Variants in PTPRD observed in about 807,000 individuals in gnomAD.
The protein encoded by PTPRD is receptor-type tyrosine-protein phosphatase delta.
A neutral mutation model predicts 214.5 loss-of-function variants in PTPRD; 34 were observed. That is an observed-to-expected ratio of 0.16 (90% CI 0.12 to 0.21). The LOEUF (loss-of-function observed/expected upper bound fraction) is 0.21. Among genes scored for constraint, PTPRD ranks in the 10% least tolerant of loss-of-function variants. The probability of loss-of-function intolerance (pLI) is 1.00; values close to 1 mark genes in which losing one functional copy is unlikely to be tolerated. For missense variants in PTPRD, 2,545 were observed against 2,398.7 expected, an observed-to-expected ratio of 1.06 and a Z score of -1.27; for synonymous variants, 1,128 against 845.7, an observed-to-expected ratio of 1.33 and a Z score of -5.79.
chr9:8,740,003 G>A (rs2091509820), intron 11 of PTPRD, among the ~76,000 whole-genome samples: 1 of 152,072 alleles, frequency 6.6e-6, no homozygotes, highest in Admixed American at 6.5e-5. Flanking sequence ...TTTCTTCCCA[G>A]TGTCTCAGGT....
intron 2 of PTPRD, among the ~76,000 whole-genome samples, chr9:10,403,475 G>C (rs1400441959): frequency 6.6e-6 from 1 of 151,054 alleles, no homozygotes; most frequent in East Asian, 2.0e-4. Flanking sequence ...AAAATCCACT[G>C]ACTCAGCAAA....
intron 11 of PTPRD, among the ~76,000 whole-genome samples, chr9:8,834,055 G>C (rs1325592705): frequency 1.3e-5 from 2 of 151,948 alleles, no homozygotes; most frequent in Non-Finnish European, 2.9e-5. Context: ...ATAATGCCTA[G>C]TCTTTTTCAC....
chr9:10,149,283 GA>G (rs1213944926), intron 3 of PTPRD, among the ~76,000 whole-genome samples: 1 of 152,152 alleles, frequency 6.6e-6, no homozygotes, highest in African/African-American at 2.4e-5. Flanking sequence ...AACAACTCAA[GA>G]TAGCAAAGTT....
In PTPRD at chr9:8,410,190, T is replaced by C. The variant is rs562639391; in HGVS notation, c.4087-5530A>G. Among the ~76,000 whole-genome samples, 5 of 152,336 alleles carry C rather than the reference T, an allele frequency of 3.3e-5. No homozygotes were observed. In the East Asian group the frequency reaches 7.7e-4, roughly 23 times the overall value. On this transcript the variant is annotated intron_variant, in intron 35 of 45. Coordinates refer to ENST00000381196, the MANE Select transcript of PTPRD (RefSeq NM_002839.4). ...TGGGAAGGGCTATATTTTGCACAAT[T>C]AGTAAAAGCCTGCAATTGGCATAAT...
intron 8 of PTPRD, among the ~76,000 whole-genome samples, chr9:9,528,119 C>T (rs928884154): frequency 6.6e-6 from 1 of 152,116 alleles, no homozygotes; most frequent in Admixed American, 6.6e-5. Flanking sequence ...GTGAAGGAAA[C>T]TAGATTTTAC....
chr9:8,497,987 A>C lies in PTPRD; in HGVS notation c.2323-719T>G, dbSNP rs114072249. Among the ~76,000 whole-genome samples, 347 of 152,328 alleles carry C rather than the reference A, an allele frequency of 2.3e-3. 4 individuals are homozygous for C. Among genetic ancestry groups the C allele is most frequent in the African/African-American group, 8.1e-3 (337 of 41,584 alleles). On this transcript the variant is annotated intron_variant, in intron 25 of 45. Transcript: ENST00000381196. ...ATAAAACGTAGCAATGATGGCTTTA[A>C]TTTTATACTACGATAACTTTCTTTT...
chr9:9,399,238 T>C (rs2069171324), intron 8 of PTPRD, among the ~76,000 whole-genome samples: 1 of 152,016 alleles, frequency 6.6e-6, no homozygotes, highest in Non-Finnish European at 1.5e-5. Context: ...GTATTTAAAA[T>C]AAAAGCACTG....
At chr9:8,482,570 T>G (rs1243039965) in intron 30 of PTPRD, among the ~76,000 whole-genome samples, 4 of 152,148 alleles carry the variant, frequency 2.6e-5, no homozygotes, top group African/African-American at 9.6e-5. Context: ...GGATTTATTC[T>G]TATTCCAAAC....
intron 14 of PTPRD, among the ~76,000 whole-genome samples, chr9:8,572,181 T>C (rs1455929327): frequency 2.0e-5 from 3 of 152,176 alleles, no homozygotes; most frequent in African/African-American, 7.2e-5. Context: ...AATGTTTGAG[T>C]TTGTCATAAA....
chr9:8,577,495 T>C (rs1221422444), intron 14 of PTPRD, among the ~76,000 whole-genome samples: 1 of 152,128 alleles, frequency 6.6e-6, no homozygotes, highest in Non-Finnish European at 1.5e-5. Flanking sequence ...CCTCAGGTGA[T>C]CCGCCTGCCT....
chr9:9,464,148 A>G (rs2093927123), intron 8 of PTPRD, among the ~76,000 whole-genome samples: 1 of 152,184 alleles, frequency 6.6e-6, no homozygotes, highest in African/African-American at 2.4e-5. Context: ...CCATTCCAGG[A>G]AACACTCATT....
chr9:9,401,789 G>C (rs747581290), intron 8 of PTPRD, among the ~76,000 whole-genome samples: 6 of 151,960 alleles, frequency 3.9e-5, no homozygotes, highest in African/African-American at 7.2e-5. Flanking sequence ...TCTCCTGATA[G>C]TGAGTGAGTT....
At chr9:8,617,454 A>G in intron 14 of PTPRD, among the ~76,000 whole-genome samples, 1 of 152,106 alleles carries the variant, frequency 6.6e-6, no homozygotes, top group Admixed American at 6.6e-5. Context: ...ATTTATTCCT[A>G]TTCCTGATTA....
chr9:9,398,510 G>A (rs547121861), intron 8 of PTPRD, among the ~76,000 whole-genome samples: 150 of 152,040 alleles, frequency 9.9e-4, no homozygotes, highest in African/African-American at 3.1e-3. Flanking sequence ...TTCTTTAAGT[G>A]AAAAGTGCAA....
At chr9:8,857,940 T>TCCTCCTCCTCCG (rs2097972371) in intron 11 of PTPRD, among the ~76,000 whole-genome samples, 1 of 141,442 alleles carries the variant, frequency 7.1e-6, no homozygotes, top group Non-Finnish European at 1.6e-5. Flanking sequence ...TACCCCCTTT[T>TCCTCCTCCTCCG]CCTCCTCCTC....
chr9:10,282,029 C>T (rs984859236), intron 3 of PTPRD, among the ~76,000 whole-genome samples: 1 of 150,504 alleles, frequency 6.6e-6, no homozygotes, highest in African/African-American at 2.4e-5. Context: ...TGATGAAAGC[C>T]TGTAGGAATC....
intron 3 of PTPRD, among the ~76,000 whole-genome samples, chr9:10,059,700 A>G (rs1323143327): frequency 6.6e-6 from 1 of 151,990 alleles, no homozygotes; most frequent in African/African-American, 2.4e-5. Context: ...AAATTACTAC[A>G]TCTCAAATCG....
At chr9:10,413,897 C>T (rs965896425) in intron 2 of PTPRD, among the ~76,000 whole-genome samples, 4 of 151,850 alleles carry the variant, frequency 2.6e-5, no homozygotes, top group African/African-American at 9.7e-5. Flanking sequence ...GGATGACTGG[C>T]TAGACATGCA....
chr9:8,359,951 C>G (rs2078049129), intron 39 of PTPRD, among the ~76,000 whole-genome samples: 1 of 152,198 alleles, frequency 6.6e-6, no homozygotes, highest in Non-Finnish European at 1.5e-5. Context: ...AAAAGCTCCT[C>G]CCATTGCTTA....
Sources: gnomAD v4.1 joint callset for allele counts (sites outside exome capture counted in the v4.1 genomes callset) on GRCh38, gnomAD v4.1.1 for gene constraint, MANE v1.5 for transcripts, NCBI Gene and HGNC (gene_info 2026-07-23, HGNC 2026-07-21) for gene names.